PRKG1: variants seen among roughly 807,000 people sequenced by gnomAD.
The protein encoded by PRKG1 is cGMP-dependent protein kinase 1.
In PRKG1, 35 loss-of-function variants were observed where a neutral mutation model predicts 88.1. The observed-to-expected ratio is 0.40, with a 90% CI of 0.30 to 0.53. The LOEUF (loss-of-function observed/expected upper bound fraction) is 0.53, where lower values mean the gene tolerates loss of function less well. PRKG1 is among the 20% of genes least tolerant of loss of function. The pLI is 0.59. For synonymous variants in PRKG1, 303 were observed against 292.5 expected (o/e 1.04, Z -0.37); for missense variants, 540 against 839.8 (o/e 0.64, Z 4.41).
At chr10:51,416,290 T>C (rs970571094) in intron 2 of PRKG1, among the ~76,000 whole-genome samples, 7 of 152,172 alleles carry the variant, frequency 4.6e-5, no homozygotes, top group Non-Finnish European at 4.4e-5. Flanking sequence ...CTCATGATCA[T>C]TTACAGTATT....
intron 1 of PRKG1, among the ~76,000 whole-genome samples, chr10:51,015,016 A>G (rs534553533): frequency 6.6e-6 from 1 of 152,370 alleles, no homozygotes; most frequent in South Asian, 2.1e-4. Context: ...GAAACTCTCA[A>G]TCATTTCCCA....
rs189611183 is a variant in PRKG1, at chr10:51,813,684, G to A, written c.698+8994G>A. Among the ~76,000 whole-genome samples, 290 of 152,140 alleles carry A rather than the reference G, an allele frequency of 1.9e-3. 5 individuals carry two copies. The highest frequency in any genetic ancestry group is 6.3e-4 in the Non-Finnish European group (43 of 68,002). On this transcript the variant is annotated intron_variant, in intron 4 of 17. Transcript: ENST00000373980. ...CCCTATACTGCCTCAATAAATTCTG[G>A]ATACCCAAATATTAGTCCCTGCACA...
intron 2 of PRKG1, among the ~76,000 whole-genome samples, chr10:51,330,132 TATTTATTTA>T (rs1413707690): frequency 1.4e-5 from 2 of 143,582 alleles, no homozygotes; most frequent in African/African-American, 2.5e-5. Context: ...TTTATTTATT[TATTTATTTA>T]TTTATTTTTT....
intron 2 of PRKG1, among the ~76,000 whole-genome samples, chr10:51,445,677 G>C (rs1470094276): frequency 1.3e-5 from 2 of 151,790 alleles, no homozygotes; most frequent in Non-Finnish European, 2.9e-5. Flanking sequence ...ATAATTACTT[G>C]ATTCCAGTAT....
At chr10:51,872,424 G>A (rs1841181339) in intron 4 of PRKG1, among the ~76,000 whole-genome samples, 1 of 152,100 alleles carries the variant, frequency 6.6e-6, no homozygotes, top group Non-Finnish European at 1.5e-5. Flanking sequence ...TTATTAACGT[G>A]ATGACTATTA....
At chr10:51,377,980 C>T (rs2132622487) in intron 2 of PRKG1, among the ~76,000 whole-genome samples, 1 of 152,344 alleles carries the variant, frequency 6.6e-6, no homozygotes, top group African/African-American at 2.4e-5. Flanking sequence ...TCCAAGCTAG[C>T]TGATTGATCA....
chr10:51,131,744 A>G (rs1845573178), intron 1 of PRKG1, among the ~76,000 whole-genome samples: 1 of 152,114 alleles, frequency 6.6e-6, no homozygotes, highest in South Asian at 2.1e-4. Context: ...TTCCTTTTTC[A>G]TTCAAACAGC....
At chr10:51,677,004 C>T (rs571509917) in intron 3 of PRKG1, among the ~76,000 whole-genome samples, 1 of 152,270 alleles carries the variant, frequency 6.6e-6, no homozygotes, top group Admixed American at 6.5e-5. Flanking sequence ...CCACCCATTT[C>T]AAGCCCCTAA....
intron 9 of PRKG1, among the ~76,000 whole-genome samples, chr10:52,163,195 T>C (rs1252394433): frequency 6.6e-6 from 1 of 151,360 alleles, no homozygotes; most frequent in Non-Finnish European, 1.5e-5. Flanking sequence ...CATTCTTTTA[T>C]AATTTATGTC....
intron 10 of PRKG1, among the ~76,000 whole-genome samples, chr10:52,269,584 C>T (rs1385705259): frequency 6.6e-6 from 1 of 151,998 alleles, no homozygotes; most frequent in Non-Finnish European, 1.5e-5. Context: ...CTTCGCTATC[C>T]CTGCTGATGA....
At chr10:51,537,609 T>C (rs1354020480) in intron 3 of PRKG1, among the ~76,000 whole-genome samples, 1 of 151,236 alleles carries the variant, frequency 6.6e-6, no homozygotes, top group Non-Finnish European at 1.5e-5. Context: ...TGCACCTGTA[T>C]CCCAGCTACT....
chr10:51,096,514 C>G (rs1437777610), intron 1 of PRKG1, among the ~76,000 whole-genome samples: 1 of 152,106 alleles, frequency 6.6e-6, no homozygotes, highest in Non-Finnish European at 1.5e-5. Flanking sequence ...CTTTACCTCT[C>G]TACACCTTGG....
chr10:51,578,068 A>G (rs1409477982), intron 3 of PRKG1, among the ~76,000 whole-genome samples: 1 of 152,106 alleles, frequency 6.6e-6, no homozygotes, highest in African/African-American at 2.4e-5. Context: ...TGTAAGTTGT[A>G]GTCTATTAAA....
intron 3 of PRKG1, among the ~76,000 whole-genome samples, chr10:51,739,164 C>T (rs1031022921): frequency 5.3e-5 from 8 of 152,208 alleles, no homozygotes; most frequent in Non-Finnish European, 7.3e-5. Context: ...TTAGCCTCAT[C>T]GTAATTGCCA....
chr10:52,061,320 TC>T (rs113530292), intron 6 of PRKG1, among the ~76,000 whole-genome samples: 2,032 of 152,230 alleles, frequency 0.013, 35 homozygotes, highest in African/African-American at 0.046. Context: ...TGACATCTAA[TC>T]TCTAGATTCA....
At chr10:51,640,800 T>G (rs191011380) in intron 3 of PRKG1, among the ~76,000 whole-genome samples, 4 of 152,306 alleles carry the variant, frequency 2.6e-5, no homozygotes, top group Non-Finnish European at 5.9e-5. Context: ...TTGGCATTGC[T>G]CTTAGCAAGT....
chr10:51,686,505 C>T (rs1840994673), intron 3 of PRKG1, among the ~76,000 whole-genome samples: 1 of 152,226 alleles, frequency 6.6e-6, no homozygotes. Context: ...TCAGTACAGG[C>T]ACTAACTAGG....
intron 3 of PRKG1, among the ~76,000 whole-genome samples, chr10:51,732,844 C>T (rs1837152581): frequency 6.6e-6 from 1 of 152,064 alleles, no homozygotes; most frequent in Non-Finnish European, 1.5e-5. Flanking sequence ...ATGTCTTATT[C>T]ATTTTGGGCT....
At chr10:51,980,763 G>A (rs1843986728) in intron 5 of PRKG1, among the ~76,000 whole-genome samples, 1 of 152,028 alleles carries the variant, frequency 6.6e-6, no homozygotes, top group African/African-American at 2.4e-5. Flanking sequence ...TTAAATTATT[G>A]TTGGTTTAAA....
Sources: allele counts gnomAD v4.1 joint callset (sites outside exome capture counted in the v4.1 genomes callset), GRCh38; gene constraint gnomAD v4.1.1; transcripts MANE v1.5; gene names NCBI Gene and HGNC (gene_info 2026-07-23, HGNC 2026-07-21).